The following EGFR variants were observed in gnomAD, a reference collection of about 807,000 sequenced individuals.
EGFR encodes the protein epidermal growth factor receptor.
EGFR carries 58 observed loss-of-function variants against 143.0 expected under a neutral mutation model. The ratio of observed to expected loss-of-function variants is 0.41; its 90% confidence interval spans 0.33 to 0.50. The LOEUF is 0.50. Ranked by LOEUF, EGFR falls within the 20% of genes least tolerant of loss-of-function variation. The pLI is 0.39. For missense variants in EGFR, 1,307 were observed against 1,579.0 expected (o/e 0.83, Z 2.92); for synonymous variants, 613 against 594.4 (o/e 1.03, Z -0.45).
chr7:55,152,430 G>A, intron 5 of EGFR, 116 bp from the exon 6 acceptor site: 1 of 949,116 alleles, frequency 1.1e-6, no homozygotes, highest in South Asian at 1.3e-5. Context: ...TGGTTTCGTT[G>A]GAAGCAAATG....
At chr7:55,063,691 C>T (rs17335905) in intron 1 of EGFR, among the ~76,000 whole-genome samples, 5,299 of 152,192 alleles carry the variant, frequency 0.035, 218 homozygotes, top group South Asian at 0.12. Flanking sequence ...GACGTAAATA[C>T]TGGTGTCAAC....
intron 1 of EGFR, among the ~76,000 whole-genome samples, chr7:55,064,940 A>C (rs1789411428): frequency 6.6e-6 from 1 of 152,124 alleles, no homozygotes; most frequent in Non-Finnish European, 1.5e-5. Flanking sequence ...GGTCAAGGTG[A>C]CAACACTGCG....
chr7:55,156,513 C>A lies in EGFR; in HGVS notation c.1007-20C>A, dbSNP rs1318138504. 3 of 1,613,918 alleles carry A rather than the reference C, an allele frequency of 1.9e-6. No individual in the cohort carries two copies. Among genetic ancestry groups the A allele is most frequent in the South Asian group, 1.1e-5 (1 of 91,058 alleles). On this transcript the variant is annotated intron_variant, in intron 8 of 27. Coordinates refer to ENST00000275493, the MANE Select transcript of EGFR (RefSeq NM_005228.5). Reference sequence around the variant, plus strand: ...ATCCAACAAATGTGAACGGAATACACGTCTCTCTTATCTCTGCAGTGTGTA... The same window carrying A: ...ATCCAACAAATGTGAACGGAATACAAGTCTCTCTTATCTCTGCAGTGTGTA...
In EGFR at chr7:55,205,714, A is replaced by G; in HGVS notation, c.*97A>G. The stretch of plus-strand genomic sequence containing the variant: ...CCATCCCAACAGCCATGCCCGCATT[A>G]GCTCTTAGACCCACAGACTGGTTTT... On this transcript the variant is annotated 3_prime_UTR_variant, in exon 28 of 28. Coordinates refer to ENST00000275493, the MANE Select transcript of EGFR (RefSeq NM_005228.5). 4 of 1,596,830 alleles carry G rather than the reference A, an allele frequency of 2.5e-6. No homozygotes were observed. The highest frequency in any genetic ancestry group is 3.4e-6 in the Non-Finnish European group (4 of 1,167,932).
chr7:55,103,453 A>G (rs550820103), intron 1 of EGFR, among the ~76,000 whole-genome samples: 100 of 152,372 alleles, frequency 6.6e-4, no homozygotes, highest in African/African-American at 2.2e-3. Context: ...ATACTTTTGT[A>G]AAGATACCCT....
chr7:55,061,643 TGTGTGTGAGAGAGA>T (rs1562680204), intron 1 of EGFR, among the ~76,000 whole-genome samples: 1 of 135,582 alleles, frequency 7.4e-6, no homozygotes, highest in African/African-American at 2.7e-5. Flanking sequence ...TGTGTGTGTG[TGTGTGTGAGAGAGA>T]GAGAGAGAGA....
At chr7:55,139,908 G>A (rs2128924692) in intron 1 of EGFR, among the ~76,000 whole-genome samples, 1 of 152,096 alleles carries the variant, frequency 6.6e-6, no homozygotes, top group South Asian at 2.1e-4. Context: ...CCAAATACAG[G>A]ATCTTTTTCT....
At chr7:55,166,516 G>A (rs1785987856) in intron 15 of EGFR, among the ~76,000 whole-genome samples, 1 of 152,216 alleles carries the variant, frequency 6.6e-6, no homozygotes, top group Non-Finnish European at 1.5e-5. Flanking sequence ...ACTTAAAATG[G>A]TGCCTGGAAA....
At chr7:55,173,373 G>A (rs960605257) in intron 17 of EGFR, among the ~76,000 whole-genome samples, 4 of 152,226 alleles carry the variant, frequency 2.6e-5, no homozygotes, top group Non-Finnish European at 2.9e-5. Flanking sequence ...CTTAGGACCC[G>A]GTGCCTGTGT....
chr7:55,143,484 A>G lies in EGFR; in HGVS notation c.420A>G (p.Leu140=), dbSNP rs2128927587. Residue 140 remains leucine, a synonymous_variant, in exon 3 of 28, where the codon TTA becomes TTG. Coordinates refer to ENST00000275493, the MANE Select transcript of EGFR (RefSeq NM_005228.5). ...TGAAGGAGCTGCCCATGAGAAATTT[A>G]CAGGGTGAGAGGCTGGGATGCCAAG... ...TGLKELPMRN[L]QEILHGAVRF... 6.2e-7 allele frequency: 1 copy of G among 1,614,244 alleles called. No homozygotes were observed. Among genetic ancestry groups the G allele is most frequent in the East Asian group, 2.2e-5 (1 of 44,890 alleles).
intron 1 of EGFR, among the ~76,000 whole-genome samples, chr7:55,062,445 A>C (rs1047804419): frequency 6.6e-6 from 1 of 152,168 alleles, no homozygotes; most frequent in African/African-American, 2.4e-5. Context: ...TTTAATTAAG[A>C]TCACAGCCCT....
In EGFR at chr7:55,142,425, T is replaced by G. The variant is rs2128926436; in HGVS notation, c.228T>G (p.Leu76=). The part of the protein sequence containing the change: ...EITYVQRNYD[L]SFLKTIQEVA... ...CCTATGTGCAGAGGAATTATGATCT[T>G]TCCTTCTTAAAGGTTGGTGACTTTG... is the stretch of plus-strand genomic sequence containing the variant. Residue 76 remains leucine (L), a synonymous_variant, in exon 2 of 28, where the codon CTT becomes CTG. Transcript: ENST00000275493. The G allele has an allele frequency of 3.7e-6, 6 of 1,614,146 alleles. No individual in the cohort carries two copies. Among genetic ancestry groups the G allele is most frequent in the Non-Finnish European group, 5.1e-6 (6 of 1,180,030 alleles).
At chr7:55,052,133 C>T (rs560326858) in intron 1 of EGFR, among the ~76,000 whole-genome samples, 1 of 152,256 alleles carries the variant, frequency 6.6e-6, no homozygotes, top group Admixed American at 6.5e-5. Flanking sequence ...TTGGTCAAGT[C>T]CTTTATTCTT....
chr7:55,106,203 G>A (rs1016851837), intron 1 of EGFR, among the ~76,000 whole-genome samples: 5 of 152,232 alleles, frequency 3.3e-5, no homozygotes, highest in East Asian at 1.9e-4. Context: ...ATAGTACAGT[G>A]CCTGCAATCC....
chr7:55,022,771 G>A (rs544701804), intron 1 of EGFR, among the ~76,000 whole-genome samples: 4 of 152,280 alleles, frequency 2.6e-5, no homozygotes, highest in Non-Finnish European at 4.4e-5. Context: ...CTGGCTTCAC[G>A]TATTTAGTTT....
At chr7:55,107,499 A>C (rs993755109) in intron 1 of EGFR, among the ~76,000 whole-genome samples, 1 of 152,244 alleles carries the variant, frequency 6.6e-6, no homozygotes, top group African/African-American at 2.4e-5. Flanking sequence ...CATGTGAAAT[A>C]CTGGCAGTAT....
intron 1 of EGFR, among the ~76,000 whole-genome samples, chr7:55,116,332 A>G (rs1792842179): frequency 1.3e-5 from 2 of 152,296 alleles, no homozygotes; most frequent in African/African-American, 2.4e-5. Context: ...GCCGCTGTCC[A>G]CAAGAAATCC....
intron 2 of EGFR, 142 bp from the exon 3 acceptor site, chr7:55,143,163 C>T (rs986203096): frequency 3.8e-6 from 3 of 784,938 alleles, no homozygotes; most frequent in Non-Finnish European, 6.4e-6. Flanking sequence ...TGACTGCAAT[C>T]GTCTACCTAT....
chr7:55,197,434 A>G (rs1337157624), intron 22 of EGFR, among the ~76,000 whole-genome samples: 3 of 152,324 alleles, frequency 2.0e-5, no homozygotes, highest in Non-Finnish European at 4.4e-5. Context: ...TTTTCTAGAT[A>G]TAGGATCATG....
Sources: allele counts gnomAD v4.1 joint callset (sites outside exome capture counted in the v4.1 genomes callset), GRCh38; gene constraint gnomAD v4.1.1; transcripts MANE v1.5; gene names NCBI Gene and HGNC (gene_info 2026-07-23, HGNC 2026-07-21).